Variants in MACROH2A1 observed in about 807,000 individuals in gnomAD.
The protein encoded by MACROH2A1 is macroH2A.1 histone, also known as core histone macro-H2A.1.
A neutral mutation model predicts 31.6 loss-of-function variants in MACROH2A1; 2 were observed. The ratio of observed to expected loss-of-function variants is 0.06; its 90% CI spans 0.03 to 0.20. The LOEUF is 0.20. MACROH2A1 is among the 10% of genes least tolerant of loss of function. MACROH2A1 has a pLI of 1.00. For missense variants in MACROH2A1, 230 were observed against 474.0 expected (o/e 0.49, Z 4.78); for synonymous variants, 169 against 189.6 (o/e 0.89, Z 0.89).
intron 4 of MACROH2A1, among the ~76,000 whole-genome samples, chr5:135,366,211 G>A (rs753795677): frequency 2.0e-5 from 3 of 152,134 alleles, no homozygotes; most frequent in Non-Finnish European, 2.9e-5. Context: ...TTGCTGTCTT[G>A]GGCCTTTCTT....
At chr5:135,355,302 T>C (rs1762046592) in intron 5 of MACROH2A1, 2 of 455,078 alleles carry the variant, frequency 4.4e-6, no homozygotes, top group African/African-American at 4.0e-5. Flanking sequence ...CCTTCCCTTC[T>C]GACCAGAGGC....
In MACROH2A1 at chr5:135,369,638, A is replaced by G; in HGVS notation, c.280-35T>C. Reference sequence around the variant, plus strand: ...AAACCAGAATAGCAGATAGTGAGCCAGATACCCTGCTTCTAACCTTCAAGA... The same window carrying G: ...AAACCAGAATAGCAGATAGTGAGCCGGATACCCTGCTTCTAACCTTCAAGA... On this transcript the variant is annotated intron_variant, in intron 3 of 8. Coordinates refer to ENST00000511689, the MANE Select transcript of MACROH2A1 (RefSeq NM_138610.3). This position sits in a 1 kb window ranked among gnomAD's most constrained non-coding sequence, Gnocchi z 4.3. 1 of 1,541,410 alleles carries G rather than the reference A, an allele frequency of 6.5e-7. No homozygotes were observed. The highest frequency in any genetic ancestry group is 9.0e-7 in the Non-Finnish European group (1 of 1,115,400).
At chr5:135,374,314 CA>C (rs1176516812) in intron 2 of MACROH2A1, among the ~76,000 whole-genome samples, 7 of 152,188 alleles carry the variant, frequency 4.6e-5, no homozygotes, top group African/African-American at 1.7e-4. Flanking sequence ...TGTTCCTATT[CA>C]GGGGGGAGCG....
At chr5:135,379,554 C>T (rs1262855314) in intron 2 of MACROH2A1, among the ~76,000 whole-genome samples, 2 of 152,140 alleles carry the variant, frequency 1.3e-5, no homozygotes, top group Non-Finnish European at 2.9e-5. Flanking sequence ...TTATTTATAG[C>T]TCTGAGGAGT....
intron 1 of MACROH2A1, among the ~76,000 whole-genome samples, chr5:135,397,400 T>G (rs779085913): frequency 6.6e-6 from 1 of 152,196 alleles, no homozygotes; most frequent in Non-Finnish European, 1.5e-5. Context: ...TCCAGACAAT[T>G]CTTAAAGTTT....
At chr5:135,389,227 A>C in intron 1 of MACROH2A1, 101 bp from the exon 2 acceptor site, 1 of 773,160 alleles carries the variant, frequency 1.3e-6, no homozygotes, top group Non-Finnish European at 2.0e-6. Flanking sequence ...GCCTGCCTGC[A>C]GATGCCACTG....
intron 2 of MACROH2A1, among the ~76,000 whole-genome samples, chr5:135,379,218 G>T (rs1765315759): frequency 6.6e-6 from 1 of 152,210 alleles, no homozygotes. Flanking sequence ...GTAGGCAGAT[G>T]GGGTGATGTC....
intron 2 of MACROH2A1, among the ~76,000 whole-genome samples, chr5:135,371,162 C>CA (rs758513103): frequency 2.6e-5 from 4 of 152,038 alleles, no homozygotes; most frequent in Non-Finnish European, 4.4e-5. Flanking sequence ...CACAGAAGGA[C>CA]AAATATAGCA....
intron 2 of MACROH2A1, among the ~76,000 whole-genome samples, chr5:135,376,915 G>A (rs1764957290): frequency 6.6e-6 from 1 of 152,200 alleles, no homozygotes; most frequent in African/African-American, 2.4e-5. Flanking sequence ...GGATGATTTC[G>A]ATGGATGGAT....
chr5:135,357,855 C>G (rs1762364076), intron 5 of MACROH2A1: 1 of 985,170 alleles, frequency 1.0e-6, no homozygotes. Context: ...CATCAATGGT[C>G]AGGCTCCTAA....
intron 1 of MACROH2A1, among the ~76,000 whole-genome samples, chr5:135,391,165 C>A (rs1376852121): frequency 6.6e-6 from 1 of 152,164 alleles, no homozygotes; most frequent in Non-Finnish European, 1.5e-5. Flanking sequence ...TGTATGTGTG[C>A]CTGTGTTTTC....
chr5:135,381,239 T>G (rs1472469538), intron 2 of MACROH2A1, among the ~76,000 whole-genome samples: 2 of 152,158 alleles, frequency 1.3e-5, no homozygotes, highest in Admixed American at 6.5e-5. Context: ...GGTCAAAGTA[T>G]AAATGTGAAA....
Position 135,343,382 on chromosome 5 carries a change from A to G in MACROH2A1, c.831T>C (p.Asn277=). 1.9e-6 allele frequency: 3 copies of G among 1,614,208 alleles called. No homozygotes were observed. The South Asian group carries it at 3.3e-5, about 18-fold the overall frequency. The part of the protein sequence containing the change: ...GLPAKFVIHC[N]SPVWGADKCE... Reference sequence around the variant, plus strand: ...ACTTGTCTGCACCCCAAACTGGACTATTACAGTGGATCACAAACTTGGCAG... The same window carrying G: ...ACTTGTCTGCACCCCAAACTGGACTGTTACAGTGGATCACAAACTTGGCAG... Residue 277 remains asparagine (N), a synonymous_variant, in exon 8 of 9, where the codon AAT becomes AAC. Transcript: ENST00000511689.
intron 1 of MACROH2A1, among the ~76,000 whole-genome samples, chr5:135,396,369 C>T (rs1221504328): frequency 6.6e-6 from 1 of 152,202 alleles, no homozygotes; most frequent in Non-Finnish European, 1.5e-5. Flanking sequence ...CTCTCTCCTG[C>T]TCAAAACCCT....
At chr5:135,384,820 G>C (rs1286262812) in intron 2 of MACROH2A1, among the ~76,000 whole-genome samples, 1 of 152,160 alleles carries the variant, frequency 6.6e-6, no homozygotes, top group Admixed American at 6.5e-5. Flanking sequence ...CTCATTTCAC[G>C]GAGTATAAAA....
intron 8 of MACROH2A1, among the ~76,000 whole-genome samples, chr5:135,338,975 C>T (rs1759295404): frequency 6.6e-6 from 1 of 152,166 alleles, no homozygotes; most frequent in Admixed American, 6.5e-5. Flanking sequence ...GATGAGGCTG[C>T]CAGTACTGCG....
At chr5:135,345,497 C>T (rs183453377) in intron 7 of MACROH2A1, 1 of 159,488 alleles carries the variant, frequency 6.3e-6, no homozygotes, top group Non-Finnish European at 1.4e-5. Flanking sequence ...CAGGTCTTAG[C>T]AATAATTCTC....
At chr5:135,382,226 C>G (rs1246234073) in intron 2 of MACROH2A1, among the ~76,000 whole-genome samples, 3 of 152,004 alleles carry the variant, frequency 2.0e-5, no homozygotes, top group Admixed American at 2.0e-4. Context: ...TGTGCTTGTC[C>G]GTTGGCCCAA....
chr5:135,386,305 T>C (rs779567), intron 2 of MACROH2A1, among the ~76,000 whole-genome samples: 22,279 of 152,174 alleles, frequency 0.15, 3,160 homozygotes, highest in African/African-American at 0.37. Context: ...TGGGCATGCA[T>C]TAACTGCTCA....
Sources: gnomAD v4.1 joint callset for allele counts (sites outside exome capture counted in the v4.1 genomes callset) on GRCh38, gnomAD v4.1.1 for gene constraint, Gnocchi (gnomAD v3.1) non-coding constraint, MANE v1.5 for transcripts, NCBI Gene and HGNC (gene_info 2026-07-23, HGNC 2026-07-21) for gene names.